TENM2: variants seen among roughly 807,000 people sequenced by gnomAD.
TENM2 encodes the protein teneurin transmembrane protein 2, also known as teneurin-2.
In TENM2, 52 loss-of-function variants were observed where a neutral mutation model predicts 245.2. The observed-to-expected ratio is 0.21, with a 90% CI of 0.17 to 0.27. TENM2 has a LOEUF of 0.27. TENM2 is among the 10% of genes least tolerant of loss of function. The pLI is 1.00. For missense variants in TENM2, 3,046 were observed against 3,666.8 expected, an observed-to-expected ratio of 0.83 and a Z score of 4.37; for synonymous variants, 1,363 against 1,438.9, an observed-to-expected ratio of 0.95 and a Z score of 1.19.
intron 2 of TENM2, among the ~76,000 whole-genome samples, chr5:167,644,497 A>C (rs1039444851): frequency 6.6e-6 from 1 of 152,214 alleles, no homozygotes; most frequent in African/African-American, 2.4e-5. Flanking sequence ...TAATGACAAA[A>C]CAATAATAGT....
At chr5:167,434,890 T>C (rs1336069686) in intron 2 of TENM2, among the ~76,000 whole-genome samples, 1 of 152,166 alleles carries the variant, frequency 6.6e-6, no homozygotes, top group African/African-American at 2.4e-5. Context: ...AGAAGAAAAT[T>C]ATAGATTCAG....
At chr5:167,219,878 T>C in the TENM2 span, among the ~76,000 whole-genome samples, 2 of 152,250 alleles carry the variant, frequency 1.3e-5, no homozygotes, top group African/African-American at 4.8e-5. Context: ...AATTTCACAT[T>C]CAGCATATCT....
chr5:167,169,841 T>A, the TENM2 span, among the ~76,000 whole-genome samples: 3 of 152,204 alleles, frequency 2.0e-5, no homozygotes, highest in Non-Finnish European at 4.4e-5. Context: ...TAGTTGTTCT[T>A]TTGTAGGAAT....
At chr5:167,027,778 A>G in the TENM2 span, among the ~76,000 whole-genome samples, 1 of 152,132 alleles carries the variant, frequency 6.6e-6, no homozygotes, top group African/African-American at 2.4e-5. Flanking sequence ...AGATATCCAT[A>G]TAAAATTTTA....
the TENM2 span, among the ~76,000 whole-genome samples, chr5:167,087,060 A>T: frequency 6.6e-6 from 1 of 152,028 alleles, no homozygotes; most frequent in Non-Finnish European, 1.5e-5. Flanking sequence ...TCAAGATGAT[A>T]TGGTGCAAGC....
intron 2 of TENM2, among the ~76,000 whole-genome samples, chr5:167,789,485 CTGGATCGCCCAGCCAAGTT>C (rs756809135): frequency 2.0e-5 from 3 of 152,222 alleles, no homozygotes; most frequent in African/African-American, 4.8e-5. Flanking sequence ...CATTTCTTCT[CTGGATCGCCCAGCCAAGTT>C]TGGCTGCTCC....
At chr5:167,207,171 A>T in the TENM2 span, among the ~76,000 whole-genome samples, 1 of 152,220 alleles carries the variant, frequency 6.6e-6, no homozygotes, top group African/African-American at 2.4e-5. Flanking sequence ...TTCAGTCTGC[A>T]TTCCATCATC....
chr5:167,093,532 T>C, the TENM2 span, among the ~76,000 whole-genome samples: 1 of 152,140 alleles, frequency 6.6e-6, no homozygotes, highest in Non-Finnish European at 1.5e-5. Flanking sequence ...AGCCCTGCCA[T>C]AGGTTTGGGC....
At chr5:167,765,288 A>T (rs1394440615) in intron 2 of TENM2, among the ~76,000 whole-genome samples, 1 of 152,128 alleles carries the variant, frequency 6.6e-6, no homozygotes, top group Non-Finnish European at 1.5e-5. Context: ...AAATGCAGGG[A>T]TGTGTTTCTT....
chr5:167,086,614 C>A, the TENM2 span, among the ~76,000 whole-genome samples: 1 of 151,878 alleles, frequency 6.6e-6, no homozygotes, highest in Admixed American at 6.6e-5. Context: ...TGGGAATATG[C>A]CTGGAAGCAT....
At chr5:167,010,387 G>T in the TENM2 span, among the ~76,000 whole-genome samples, 1 of 149,438 alleles carries the variant, frequency 6.7e-6, no homozygotes, top group East Asian at 2.0e-4. Context: ...CTGTCTCAAA[G>T]AAAAAAAAAA....
chr5:167,691,216 C>T (rs1247126520), intron 2 of TENM2, among the ~76,000 whole-genome samples: 1 of 152,064 alleles, frequency 6.6e-6, no homozygotes, highest in African/African-American at 2.4e-5. Flanking sequence ...TGTGATTTTC[C>T]TCCCTGCCCC....
At chr5:167,561,709 A>G (rs936151216) in intron 2 of TENM2, among the ~76,000 whole-genome samples, 2 of 152,216 alleles carry the variant, frequency 1.3e-5, no homozygotes, top group African/African-American at 4.8e-5. Flanking sequence ...TGAATAGATT[A>G]AGCAGACACC....
At chr5:167,398,503 C>T (rs1344282671) in intron 2 of TENM2, among the ~76,000 whole-genome samples, 1 of 150,718 alleles carries the variant, frequency 6.6e-6, no homozygotes, top group African/African-American at 2.4e-5. Flanking sequence ...ACCATCTTGG[C>T]TCACTGCAAC....
chr5:168,079,829 T>A (rs6858921), intron 7 of TENM2, among the ~76,000 whole-genome samples: 55,890 of 152,062 alleles, frequency 0.37, 10,651 homozygotes, highest in East Asian at 0.58. Flanking sequence ...GGATTCGGTT[T>A]GCCAGTATTT....
chr5:167,629,853 C>T (rs376156059), intron 2 of TENM2, among the ~76,000 whole-genome samples: 13 of 150,112 alleles, frequency 8.7e-5, no homozygotes, highest in Admixed American at 2.0e-4. Context: ...TATCTTGTTG[C>T]GTGATTCATT....
chr5:167,360,920 C>T (rs1221723867), intron 1 of TENM2, among the ~76,000 whole-genome samples: 7 of 152,164 alleles, frequency 4.6e-5, no homozygotes, highest in Admixed American at 3.9e-4. Flanking sequence ...CAGATGTACA[C>T]AGTCTCTCAC....
the TENM2 span, among the ~76,000 whole-genome samples, chr5:167,013,123 CATTGTAACTATGTCTTTAAAAT>C: frequency 6.6e-6 from 1 of 152,134 alleles, no homozygotes; most frequent in Admixed American, 6.5e-5. Flanking sequence ...GGGAAGATAT[CATTGTAACTATGTCTTTAAAAT>C]ATTACCCGGA....
At chr5:168,158,850 T>TATATATATATATATATACATACAC (rs1339051385) in intron 12 of TENM2, among the ~76,000 whole-genome samples, 2 of 62,334 alleles carry the variant, frequency 3.2e-5, no homozygotes, top group Non-Finnish European at 6.2e-5. Flanking sequence ...TATATATATA[T>TATATATATATATATATACATACAC]ACACACACAC....
Sources: gnomAD v4.1 joint callset for allele counts (sites outside exome capture counted in the v4.1 genomes callset) on GRCh38, gnomAD v4.1.1 for gene constraint, MANE v1.5 for transcripts, NCBI Gene and HGNC (gene_info 2026-07-23, HGNC 2026-07-21) for gene names.